The following INPP5F variants were observed in gnomAD, a reference collection of about 807,000 sequenced individuals.
INPP5F encodes inositol polyphosphate-5-phosphatase F.
Under a neutral mutation model 137.2 loss-of-function variants are expected in INPP5F, and 97 were observed. The observed-to-expected ratio is 0.71, with a 90% CI of 0.60 to 0.84. The LOEUF is 0.84. Ranked by LOEUF, INPP5F falls within the 40% of genes least tolerant of loss-of-function variation. INPP5F has a pLI of 0.00. For synonymous variants in INPP5F, 504 were observed against 476.9 expected (o/e 1.06, Z -0.74); for missense variants, 1,271 against 1,371.9 (o/e 0.93, Z 1.16).
chr10:119,749,064 C>T (rs150028837), intron 1 of INPP5F, among the ~76,000 whole-genome samples: 259 of 152,342 alleles, frequency 1.7e-3, no homozygotes, highest in African/African-American at 6.0e-3. Context: ...TGTGCACACC[C>T]GACTCGGTCG....
Position 119,726,264 on chromosome 10 carries a change from TG to T in INPP5F, c.4del (p.Glu2?). 1 of 1,475,230 alleles carries T rather than the reference TG, an allele frequency of 6.8e-7. No individual in the cohort carries two copies. The highest frequency in any genetic ancestry group is 9.0e-7 in the Non-Finnish European group (1 of 1,112,092). 91.4% of individuals were successfully genotyped at this position (1,475,230 alleles called of 1,614,324 possible). Reference protein sequence around the residue: MELFQAKDHYI... With the variant: XELFQAKDHYI... ...CCTCCCTGGGCGCGCGGGGCCAGCA[TG>T]GAGCTCTTCCAAGCCAAGGACCACT... On this transcript the variant is annotated frameshift_variant and start_lost, in exon 1 of 20. Transcript: ENST00000650623. LOFTEE classifies it high-confidence loss of function.
At chr10:119,740,188 T>C (rs527648829) in intron 1 of INPP5F, among the ~76,000 whole-genome samples, 6 of 152,344 alleles carry the variant, frequency 3.9e-5, no homozygotes, top group Non-Finnish European at 8.8e-5. Context: ...CCAGTATCCA[T>C]GTCTTTCCCA....
At position 119,797,483 on chromosome 10, in the gene INPP5F, A is replaced by G; in HGVS notation, c.891A>G (p.Gly297=). Residue 297 remains glycine, a synonymous_variant, in exon 8 of 20, where the codon GGA becomes GGG. Coordinates refer to ENST00000650623, the MANE Select transcript of INPP5F (RefSeq NM_014937.4). ...CAGGAATGCGCTATAAACGAAGAGG[A>G]GTGGATAAAAATGGAAATGTTGCCA... is the stretch of plus-strand genomic sequence containing the variant. The part of the protein sequence containing the change: ...HRAGMRYKRR[G]VDKNGNVANY... 1 of 1,610,460 alleles carries G rather than the reference A, an allele frequency of 6.2e-7. No individual in the cohort carries two copies. The highest frequency in any genetic ancestry group is 2.2e-5 in the East Asian group (1 of 44,836).
At chr10:119,726,429 C>T (rs1226219538) in intron 1 of INPP5F, 70 bp downstream of exon 1, 4 of 948,158 alleles carry the variant, frequency 4.2e-6, no homozygotes, top group Non-Finnish European at 5.4e-6. Context: ...CGGCCGGACC[C>T]CTCAGCCGGG....
At chr10:119,785,215 G>C (rs1242248460) in intron 3 of INPP5F, among the ~76,000 whole-genome samples, 1 of 149,828 alleles carries the variant, frequency 6.7e-6, no homozygotes, top group East Asian at 2.0e-4. Flanking sequence ...TCTCTCTTGG[G>C]TGTGTACCTA....
At chr10:119,750,374 A>G (rs1317706114) in intron 1 of INPP5F, among the ~76,000 whole-genome samples, 1 of 152,334 alleles carries the variant, frequency 6.6e-6, no homozygotes, top group East Asian at 1.9e-4. Flanking sequence ...CACACAAGAG[A>G]ATAAACCCTG....
At chr10:119,765,218 G>A (rs1382922902) in intron 2 of INPP5F, among the ~76,000 whole-genome samples, 1 of 152,158 alleles carries the variant, frequency 6.6e-6, no homozygotes, top group Admixed American at 6.5e-5. Flanking sequence ...ACAGGTGTGA[G>A]CCACCGTGCC....
At chr10:119,761,286 G>T (rs562665668) in intron 2 of INPP5F, among the ~76,000 whole-genome samples, 1 of 152,114 alleles carries the variant, frequency 6.6e-6, no homozygotes. Flanking sequence ...TCTATAAACC[G>T]AGACTTAGGA....
intron 9 of INPP5F, among the ~76,000 whole-genome samples, chr10:119,800,392 G>GA (rs35460473): frequency 0.012 from 1,384 of 117,474 alleles, 11 homozygotes; most frequent in African/African-American, 0.026. Flanking sequence ...TGTCTCTACT[G>GA]AAAAAAAAAA....
At chr10:119,803,062 C>T (rs1377862307) in intron 9 of INPP5F, among the ~76,000 whole-genome samples, 1 of 151,194 alleles carries the variant, frequency 6.6e-6, no homozygotes, top group African/African-American at 2.4e-5. Flanking sequence ...CATTTTTTTC[C>T]GTATTGGATT....
At chr10:119,777,479 T>TG (rs1849563312) in intron 2 of INPP5F, among the ~76,000 whole-genome samples, 1 of 151,988 alleles carries the variant, frequency 6.6e-6, no homozygotes, top group Non-Finnish European at 1.5e-5. Context: ...TAAGCCGAGA[T>TG]TGCGCCACCG....
At chr10:119,818,389 C>G (rs527374627) in intron 15 of INPP5F, among the ~76,000 whole-genome samples, 229 of 152,342 alleles carry the variant, frequency 1.5e-3, no homozygotes, top group African/African-American at 5.4e-3. Flanking sequence ...ATGGAGTGGC[C>G]AGGCACGCGG....
chr10:119,757,527 C>T (rs528638832), intron 2 of INPP5F, among the ~76,000 whole-genome samples: 14 of 152,042 alleles, frequency 9.2e-5, no homozygotes, highest in Admixed American at 3.9e-4. Flanking sequence ...TGTGGTGGCT[C>T]ACACCTGTAA....
chr10:119,732,580 A>G (rs779045557), intron 1 of INPP5F, among the ~76,000 whole-genome samples: 2 of 142,536 alleles, frequency 1.4e-5, no homozygotes, highest in African/African-American at 2.6e-5. Flanking sequence ...GCTCATTGCA[A>G]CCTCTGCCTC....
At position 119,801,693 on chromosome 10, in the gene INPP5F, T is replaced by C. The variant is rs374667708; in HGVS notation, c.1117-2480T>C. The stretch of plus-strand genomic sequence containing the variant: ...AGGTGAAGGCTGCAGTGAGCCATGA[T>C]TGTGCCACTGCACTCCAGCCTGGGT... On this transcript the variant is annotated intron_variant, in intron 9 of 19. Coordinates refer to ENST00000650623, the MANE Select transcript of INPP5F (RefSeq NM_014937.4). Among the ~76,000 whole-genome samples the C allele has an allele frequency of 2.4e-3, 358 of 152,320 alleles. 16 individuals are homozygous for C. The South Asian group carries it at 0.071, about 30-fold the overall frequency.
intron 2 of INPP5F, among the ~76,000 whole-genome samples, chr10:119,780,768 A>G (rs2134177425): frequency 6.6e-6 from 1 of 152,322 alleles, no homozygotes; most frequent in African/African-American, 2.4e-5. Context: ...CTTAAACAAT[A>G]CAGTTTAAAA....
chr10:119,734,752 CT>C (rs2091485146), intron 1 of INPP5F, among the ~76,000 whole-genome samples: 1 of 152,180 alleles, frequency 6.6e-6, no homozygotes, highest in African/African-American at 2.4e-5. Context: ...TACTATGTCT[CT>C]GTGTGTCTTT....
intron 2 of INPP5F, 31 bp downstream of exon 2, chr10:119,751,187 A>G: frequency 7.8e-7 from 1 of 1,289,444 alleles, no homozygotes; most frequent in South Asian, 1.2e-5. Context: ...TAAACTTGTC[A>G]AATTTATTGT....
chr10:119,739,810 G>T (rs1055022254), intron 1 of INPP5F, among the ~76,000 whole-genome samples: 4 of 151,952 alleles, frequency 2.6e-5, no homozygotes, highest in Non-Finnish European at 4.4e-5. Flanking sequence ...TGTAGAGACG[G>T]TGTTTTGCCA....
Sources: gnomAD v4.1 joint callset for allele counts (sites outside exome capture counted in the v4.1 genomes callset) on GRCh38, gnomAD v4.1.1 for gene constraint, MANE v1.5 for transcripts, NCBI Gene and HGNC (gene_info 2026-07-23, HGNC 2026-07-21) for gene names.